GRK7: variants seen among roughly 807,000 people sequenced by gnomAD.
GRK7 encodes G protein-coupled receptor kinase 7, also known as rhodopsin kinase GRK7.
GRK7 carries 24 observed loss-of-function variants against 34.1 expected under a neutral mutation model. That is an observed-to-expected ratio of 0.70 (90% confidence interval 0.51 to 0.99). GRK7 has a LOEUF of 0.99. GRK7 is among the 50% of genes least tolerant of loss of function. The probability of loss-of-function intolerance (pLI) is 0.00; values close to 1 mark genes in which losing one functional copy is unlikely to be tolerated. For missense variants in GRK7, 644 were observed against 707.3 expected (o/e 0.91, Z 1.02); for synonymous variants, 256 against 279.4 (o/e 0.92, Z 0.84).
chr3:141,778,341 C>T lies in GRK7; in HGVS notation c.57C>T (p.Ala19=), dbSNP rs1037865881. 1.2e-6 allele frequency: 2 copies of T among 1,606,610 alleles called. No homozygotes were observed. Among genetic ancestry groups the T allele is most frequent in the Admixed American group, 3.4e-5 (2 of 59,558 alleles). ...TCGCCAACACCGCCTACCTGCAGGC[C>T]CGGAAGCCCTCGGACTGCGACAGCA... ...NLIANTAYLQ[A]RKPSDCDSKE... Residue 19 remains alanine, a synonymous_variant, in exon 3 of 6, where the codon GCC becomes GCT. Transcript: ENST00000682958. This position sits in a 1 kb window ranked among gnomAD's most constrained non-coding sequence, Gnocchi z 4.1.
chr3:141,801,782 G>A (rs1440404370), intron 4 of GRK7, among the ~76,000 whole-genome samples: 1 of 152,212 alleles, frequency 6.6e-6, no homozygotes, highest in African/African-American at 2.4e-5. Flanking sequence ...AAGGGACATA[G>A]ATGAGACAAT....
chr3:141,792,999 A>T (rs948058653), intron 4 of GRK7, among the ~76,000 whole-genome samples: 1 of 152,340 alleles, frequency 6.6e-6, no homozygotes, highest in Admixed American at 6.5e-5. Context: ...ACAAGAACAC[A>T]TCCACGTGCT....
intron 4 of GRK7, among the ~76,000 whole-genome samples, chr3:141,788,632 T>G (rs933767996): frequency 1.3e-5 from 2 of 152,134 alleles, no homozygotes; most frequent in African/African-American, 4.8e-5. Flanking sequence ...AAGGAGCAGG[T>G]CTGCCCAGGT....
At chr3:141,754,259 G>C in the GRK7 span, among the ~76,000 whole-genome samples, 1 of 152,186 alleles carries the variant, frequency 6.6e-6, no homozygotes, top group African/African-American at 2.4e-5. Flanking sequence ...TCTGCTGTCT[G>C]CTCTTGACCA....
At chr3:141,751,521 T>C in the GRK7 span, among the ~76,000 whole-genome samples, 1 of 152,242 alleles carries the variant, frequency 6.6e-6, no homozygotes, top group Admixed American at 6.5e-5. Context: ...ACACCATATG[T>C]GACTACAAGA....
intron 5 of GRK7, among the ~76,000 whole-genome samples, chr3:141,812,331 G>C (rs745879102): frequency 6.6e-6 from 1 of 152,184 alleles, no homozygotes; most frequent in African/African-American, 2.4e-5. Flanking sequence ...AAAGTGTACC[G>C]CACAATGATG....
At position 141,818,686 on chromosome 3, in the gene GRK7, A is replaced by G. The variant is rs1711179482; in HGVS notation, c.*1636A>G. Among the ~76,000 whole-genome samples, 1 of 152,182 alleles carries G rather than the reference A, an allele frequency of 6.6e-6. No individual in the cohort carries two copies. The highest frequency in any genetic ancestry group is 2.4e-5 in the African/African-American group (1 of 41,430). On this transcript the variant is annotated 3_prime_UTR_variant, in exon 6 of 6. Transcript: ENST00000682958. Reference sequence around the variant, plus strand: ...AAGCTGAGTGATATTTTTTAAAAGGATGTATGTGCACATAATAAAATCTAA... The same window carrying G: ...AAGCTGAGTGATATTTTTTAAAAGGGTGTATGTGCACATAATAAAATCTAA...
chr3:141,796,722 G>A (rs536006398), intron 4 of GRK7, among the ~76,000 whole-genome samples: 13 of 152,312 alleles, frequency 8.5e-5, no homozygotes, highest in African/African-American at 3.1e-4. Flanking sequence ...TCAGCCTGCT[G>A]CCAGAGAGAT....
intron 4 of GRK7, among the ~76,000 whole-genome samples, chr3:141,807,203 G>A (rs1425521788): frequency 6.6e-6 from 1 of 152,094 alleles, no homozygotes; most frequent in Middle Eastern, 3.2e-3. Context: ...TTTAATATTA[G>A]TAATAAAGTG....
intron 1 of GRK7, among the ~76,000 whole-genome samples, chr3:141,773,470 T>TTTGATGA (rs1306120346): frequency 3.3e-5 from 5 of 152,134 alleles, no homozygotes; most frequent in African/African-American, 4.8e-5. Flanking sequence ...TGGACTAAAT[T>TTTGATGA]TTGATGATTG....
chr3:141,788,451 C>T (rs774612359), intron 4 of GRK7, among the ~76,000 whole-genome samples: 2 of 152,116 alleles, frequency 1.3e-5, no homozygotes, highest in Non-Finnish European at 2.9e-5. Flanking sequence ...GGCCTCTTAC[C>T]TGGGCTCCAT....
Position 141,780,661 on chromosome 3 carries a change from A to G in GRK7, c.900A>G (p.Ile300Met), listed in dbSNP as rs2084667795. 1 of 1,614,086 alleles carries G rather than the reference A, an allele frequency of 6.2e-7. No homozygotes were observed. Among genetic ancestry groups the G allele is most frequent in the Admixed American group, 1.7e-5 (1 of 60,012 alleles). ...MSRVIFYSAQIACGMLHLHEL... is the reference protein window; with the variant it reads ...MSRVIFYSAQMACGMLHLHEL... Reference sequence around the variant, plus strand: ...GGGTGATCTTTTACTCGGCCCAGATAGCCTGTGGGATGCTGCACCTCCATG... The same window carrying G: ...GGGTGATCTTTTACTCGGCCCAGATGGCCTGTGGGATGCTGCACCTCCATG... Residue 300 changes from isoleucine (I) to methionine (M), a missense_variant, in exon 4 of 6, where the codon ATA becomes ATG. Transcript: ENST00000682958.
chr3:141,749,995 C>T, the GRK7 span, among the ~76,000 whole-genome samples: 1 of 149,286 alleles, frequency 6.7e-6, no homozygotes, highest in African/African-American at 2.5e-5. Flanking sequence ...CCAGCCTGGG[C>T]GACAGAGCGA....
chr3:141,770,169 G>A (rs1426353049), intron 1 of GRK7, among the ~76,000 whole-genome samples: 1 of 152,134 alleles, frequency 6.6e-6, no homozygotes, highest in Non-Finnish European at 1.5e-5. Flanking sequence ...CCAAAGTGCT[G>A]GAATTACAGC....
intron 4 of GRK7, among the ~76,000 whole-genome samples, chr3:141,788,243 T>G (rs2084706097): frequency 6.6e-6 from 1 of 152,014 alleles, no homozygotes; most frequent in African/African-American, 2.4e-5. Flanking sequence ...AGGGAGCCAT[T>G]GAAGGTTTTT....
chr3:141,813,332 G>T (rs1392511628), intron 5 of GRK7, among the ~76,000 whole-genome samples: 3 of 152,102 alleles, frequency 2.0e-5, no homozygotes, highest in Non-Finnish European at 2.9e-5. Context: ...TCACCATGTT[G>T]GCCAGGCTGG....
intron 2 of GRK7, among the ~76,000 whole-genome samples, chr3:141,775,807 A>G (rs1315995080): frequency 6.6e-6 from 1 of 151,832 alleles, no homozygotes. Flanking sequence ...TTTTTATCAT[A>G]TTAATGTAGT....
chr3:141,806,461 G>A (rs551513147), intron 4 of GRK7, among the ~76,000 whole-genome samples: 66 of 152,212 alleles, frequency 4.3e-4, no homozygotes, highest in Admixed American at 3.9e-3. Flanking sequence ...TACCTGGGAG[G>A]CTGAGGCAGG....
At chr3:141,785,012 C>T (rs1008980634) in intron 4 of GRK7, among the ~76,000 whole-genome samples, 4 of 152,336 alleles carry the variant, frequency 2.6e-5, no homozygotes, top group African/African-American at 7.2e-5. Flanking sequence ...GACTCTCATC[C>T]TCTCACCAGA....
Sources: gnomAD v4.1 joint callset for allele counts (sites outside exome capture counted in the v4.1 genomes callset) on GRCh38, gnomAD v4.1.1 for gene constraint, Gnocchi (gnomAD v3.1) non-coding constraint, MANE v1.5 for transcripts, NCBI Gene and HGNC (gene_info 2026-07-23, HGNC 2026-07-21) for gene names.